CACHD1: variants seen among roughly 807,000 people sequenced by gnomAD.
CACHD1 encodes VWFA and cache domain-containing protein 1.
In CACHD1, 71 loss-of-function variants were observed where a neutral mutation model predicts 138.7. The ratio of observed to expected loss-of-function variants is 0.51; its 90% confidence interval spans 0.42 to 0.62. The LOEUF (loss-of-function observed/expected upper bound fraction) is 0.62. Among genes scored for constraint, CACHD1 ranks in the 20% least tolerant of loss-of-function variants. The probability of loss-of-function intolerance (pLI) is 0.00; values close to 1 mark genes in which losing one functional copy is unlikely to be tolerated. For synonymous variants in CACHD1, 578 were observed against 591.5 expected (o/e 0.98, Z 0.33); for missense variants, 1,389 against 1,625.3 (o/e 0.85, Z 2.50).
intron 1 of CACHD1, among the ~76,000 whole-genome samples, chr1:64,531,363 A>G (rs1367780526): frequency 6.6e-6 from 1 of 152,206 alleles, no homozygotes; most frequent in Non-Finnish European, 1.5e-5. Context: ...ATTATTAATT[A>G]GGCTTGAAGA....
At chr1:64,529,181 C>T (rs1646563040) in intron 1 of CACHD1, among the ~76,000 whole-genome samples, 1 of 152,070 alleles carries the variant, frequency 6.6e-6, no homozygotes, top group Admixed American at 6.6e-5. Context: ...AGAGAAGTGG[C>T]TTGATGTCTG....
chr1:64,557,209 A>G (rs1375280391), intron 2 of CACHD1, among the ~76,000 whole-genome samples: 1 of 152,164 alleles, frequency 6.6e-6, no homozygotes, highest in Admixed American at 6.5e-5. Flanking sequence ...TTCTGAGCAA[A>G]TGCCTCAGAA....
intron 7 of CACHD1, among the ~76,000 whole-genome samples, chr1:64,638,745 A>G (rs1282172024): frequency 6.6e-5 from 10 of 152,140 alleles, no homozygotes; most frequent in Non-Finnish European, 5.9e-5. Flanking sequence ...TTCCAGTTAC[A>G]TGCTGCATCT....
At chr1:64,605,165 A>G (rs1030016763) in intron 4 of CACHD1, among the ~76,000 whole-genome samples, 3 of 151,564 alleles carry the variant, frequency 2.0e-5, no homozygotes, top group South Asian at 2.1e-4. Flanking sequence ...GGGTTTCACC[A>G]TGTTGGCCAG....
intron 2 of CACHD1, among the ~76,000 whole-genome samples, chr1:64,580,571 C>G (rs900121383): frequency 6.6e-6 from 1 of 151,946 alleles, no homozygotes; most frequent in Non-Finnish European, 1.5e-5. Flanking sequence ...TTAGAGGACC[C>G]CTGAAAGGGT....
intron 7 of CACHD1, among the ~76,000 whole-genome samples, chr1:64,638,126 T>C (rs935768208): frequency 5.3e-5 from 8 of 152,210 alleles, no homozygotes; most frequent in African/African-American, 1.7e-4. Context: ...ATGTCCTAAG[T>C]TGACCTCAGG....
chr1:64,592,088 A>G (rs1557509417), intron 3 of CACHD1, among the ~76,000 whole-genome samples: 1 of 152,216 alleles, frequency 6.6e-6, no homozygotes, highest in Non-Finnish European at 1.5e-5. Flanking sequence ...ATTATTAAAT[A>G]CTTTTTTGCC....
chr1:64,614,751 A>T (rs1647651325), intron 4 of CACHD1, among the ~76,000 whole-genome samples: 1 of 152,158 alleles, frequency 6.6e-6, no homozygotes, highest in Non-Finnish European at 1.5e-5. Flanking sequence ...TTTGGCTCAG[A>T]TTCTGTAGCT....
At chr1:64,471,985 C>G (rs1433786991) in intron 1 of CACHD1, among the ~76,000 whole-genome samples, 2 of 152,126 alleles carry the variant, frequency 1.3e-5, no homozygotes, top group Non-Finnish European at 2.9e-5. Context: ...TTTGCTATAA[C>G]ATTCTTAGAT....
At chr1:64,671,741 C>G (rs952264273) in intron 17 of CACHD1, 55 bp downstream of exon 17, 7 of 1,607,082 alleles carry the variant, frequency 4.4e-6, no homozygotes, top group Non-Finnish European at 5.1e-6. Context: ...AAATAGATGT[C>G]AGGTATCTCT....
chr1:64,672,622 A>T (rs1331725042), intron 17 of CACHD1, among the ~76,000 whole-genome samples: 2 of 152,210 alleles, frequency 1.3e-5, no homozygotes, highest in South Asian at 4.1e-4. Flanking sequence ...CAGTACTATC[A>T]TCACTTTCAG....
At chr1:64,637,709 C>T (rs1648572043) in intron 7 of CACHD1, among the ~76,000 whole-genome samples, 3 of 152,180 alleles carry the variant, frequency 2.0e-5, no homozygotes, top group Admixed American at 2.0e-4. Context: ...CCTTTTTAGC[C>T]CAAGTAAGAT....
At chr1:64,505,526 C>A (rs1334880378) in intron 1 of CACHD1, among the ~76,000 whole-genome samples, 24 of 142,832 alleles carry the variant, frequency 1.7e-4, no homozygotes, top group East Asian at 1.5e-3. Flanking sequence ...GAAGGGACCT[C>A]CCCGCCCCCG....
intron 1 of CACHD1, among the ~76,000 whole-genome samples, chr1:64,541,902 A>G (rs1056823568): frequency 6.6e-6 from 1 of 152,186 alleles, no homozygotes. Flanking sequence ...TCCAACTATC[A>G]TAGAACAACT....
At chr1:64,636,485 A>G (rs749140188) in intron 7 of CACHD1, among the ~76,000 whole-genome samples, 9 of 152,184 alleles carry the variant, frequency 5.9e-5, no homozygotes, top group African/African-American at 1.9e-4. Context: ...CAGTGGGACT[A>G]CCGTTCATTC....
At chr1:64,620,992 C>T (rs1197158742) in intron 4 of CACHD1, among the ~76,000 whole-genome samples, 1 of 152,156 alleles carries the variant, frequency 6.6e-6, no homozygotes, top group Admixed American at 6.5e-5. Flanking sequence ...TCACCTTCCA[C>T]TGGCCCACTG....
chr1:64,639,026 C>T (rs1223995183), intron 7 of CACHD1, among the ~76,000 whole-genome samples: 1 of 152,198 alleles, frequency 6.6e-6, no homozygotes, highest in African/African-American at 2.4e-5. Context: ...TCAAGGGCTG[C>T]TAGCTTTCTG....
chr1:64,560,132 A>G (rs557831573), intron 2 of CACHD1, among the ~76,000 whole-genome samples: 4 of 152,334 alleles, frequency 2.6e-5, no homozygotes, highest in Non-Finnish European at 4.4e-5. Context: ...AGACAAAATC[A>G]GAGATAGAAT....
At chr1:64,500,774 G>A (rs5028362) in intron 1 of CACHD1, among the ~76,000 whole-genome samples, 100,925 of 145,236 alleles carry the variant, frequency 0.69, 39,508 homozygotes, top group Non-Finnish European at 0.85. Flanking sequence ...GAGTCCGGAC[G>A]CGGTGGCTCA....
Sources: allele counts gnomAD v4.1 joint callset (sites outside exome capture counted in the v4.1 genomes callset), GRCh38; gene constraint gnomAD v4.1.1; transcripts MANE v1.5; gene names NCBI Gene and HGNC (gene_info 2026-07-23, HGNC 2026-07-21).